The following VWA3A variants were observed in gnomAD, a reference collection of about 807,000 sequenced individuals.
VWA3A encodes the protein von Willebrand factor A domain-containing protein 3A.
In VWA3A, 134 loss-of-function variants were observed where a neutral mutation model predicts 160.4. The ratio of observed to expected loss-of-function variants is 0.84; its 90% CI spans 0.73 to 0.96. The LOEUF is 0.96. Ranked by LOEUF, VWA3A falls within the 40% of genes least tolerant of loss-of-function variation. The pLI is 0.00. For missense variants in VWA3A, 1,310 were observed against 1,447.9 expected (o/e 0.90, Z 1.55); for synonymous variants, 476 against 543.4 (o/e 0.88, Z 1.72).
rs770040448 is a variant in VWA3A at position 22,152,618 on chromosome 16, G to A, written c.3389G>A (p.Gly1130Asp). ...LSKIHSLLTK[G>D]FINEKDPTLP... ...AAAATTCACAGCCTGCTGACCAAAG[G>A]CTTCATCAATGAAAAGGTAGGTTGC... The change falls in exon 31 of 34, where the codon GGC becomes GAC. Residue 1130 changes from glycine (G) to aspartate (D), a missense_variant. Physicochemically the swap from Gly to Asp is moderately conservative, Grantham distance 94. Transcript: ENST00000389398. The A allele has an allele frequency of 5.6e-6, 9 of 1,606,670 alleles. No individual in the cohort carries two copies. In the Admixed American group the frequency reaches 1.0e-4, roughly 18 times the overall value.
At chr16:22,142,616 CAGGG>C (rs1383163015) in intron 24 of VWA3A, 48 bp from the exon 25 acceptor site, 1 of 1,398,062 alleles carries the variant, frequency 7.2e-7, no homozygotes, top group African/African-American at 1.4e-5. Context: ...ATGAGGTTTG[CAGGG>C]GCTCAACCAT....
At chr16:22,135,627 T>C (rs1421938463) in intron 21 of VWA3A, among the ~76,000 whole-genome samples, 1 of 152,124 alleles carries the variant, frequency 6.6e-6, no homozygotes, top group Non-Finnish European at 1.5e-5. Context: ...TTTAGGTCTG[T>C]GTGCTGCACA....
chr16:22,151,018 G>A (rs1020497142), intron 30 of VWA3A, among the ~76,000 whole-genome samples, 172 bp downstream of exon 30: 4 of 152,246 alleles, frequency 2.6e-5, no homozygotes, highest in African/African-American at 4.8e-5. Flanking sequence ...GCTGGCTCAC[G>A]CCTGTAATCC....
At position 22,155,513 on chromosome 16, in the gene VWA3A, G is replaced by A; in HGVS notation, c.3406-54G>A. ...TCTAAAATGCTTTTCCTGAGATTTT[G>A]GATTTTCAGCTCCCATCCAGTCATA... On this transcript the variant is annotated intron_variant, in intron 31 of 33. Transcript: ENST00000389398. The A allele has an allele frequency of 2.0e-6, 3 of 1,518,692 alleles. No individual in the cohort carries two copies. The East Asian group carries it at 6.8e-5, about 34-fold the overall frequency. 94.1% of individuals were successfully genotyped at this position (1,518,692 alleles called of 1,614,324 possible). A position where few individuals can be genotyped will look rare whatever the true frequency, so the allele number is the denominator to read the frequency against.
At position 22,153,079 on chromosome 16, in the gene VWA3A, T is replaced by C. The variant is rs149904700; in HGVS notation, c.3405+445T>C. Among the ~76,000 whole-genome samples the C allele has an allele frequency of 8.9e-3, 1,359 of 152,216 alleles. 21 individuals carry two copies. The highest frequency in any genetic ancestry group is 0.029 in the African/African-American group (1,198 of 41,526). ...ATACACCTAAAGCTGGGCACGGTGG[T>C]TCACACCTGTAATCCCATCACTTTG... On this transcript the variant is annotated intron_variant, in intron 31 of 33. Transcript: ENST00000389398.
chr16:22,097,693 C>T lies in VWA3A; in HGVS notation c.223C>T (p.Leu75=). 6.4e-7 allele frequency: 1 copy of T among 1,551,398 alleles called. No homozygotes were observed. ...VTHVNQTQDL[L]RLQGSETQSS... ...ACATGTTAACCAGACACAGGACTTA[C>T]TGGTAAAGACCATGGCACTTTAACT... Residue 75 remains leucine (L), a splice_region_variant and synonymous_variant, in exon 3 of 34, where the codon CTG becomes TTG. Coordinates refer to ENST00000389398, the MANE Select transcript of VWA3A (RefSeq NM_173615.5).
rs181720961 is a variant in VWA3A, at chr16:22,108,116, A to C, written c.484-1366A>C. Among the ~76,000 whole-genome samples the C allele has an allele frequency of 1.7e-4, 26 of 152,278 alleles. No homozygotes were observed. In the East Asian group the frequency reaches 5.0e-3, roughly 29 times the overall value. On this transcript the variant is annotated intron_variant, in intron 6 of 33. Coordinates refer to ENST00000389398, the MANE Select transcript of VWA3A (RefSeq NM_173615.5). ...ATCACCTTGACATGTGTGGTTTCAG[A>C]GGAATAGGAAGGTGAGAACCTAACT...
chr16:22,140,916 C>T (rs956926047), intron 23 of VWA3A, among the ~76,000 whole-genome samples: 2 of 152,084 alleles, frequency 1.3e-5, no homozygotes, highest in African/African-American at 4.8e-5. Flanking sequence ...CTGGCCACAT[C>T]TCTTAAAATA....
chr16:22,138,237 C>T, intron 21 of VWA3A, 123 bp from the exon 22 acceptor site: 1 of 1,233,046 alleles, frequency 8.1e-7, no homozygotes, highest in Non-Finnish European at 1.1e-6. Context: ...TTTCTAGGGA[C>T]AAAAAGAGGA....
In VWA3A at chr16:22,143,727, C is replaced by T. The variant is rs1009896688; in HGVS notation, c.2593-520C>T. Among the ~76,000 whole-genome samples the T allele has an allele frequency of 3.4e-5, 5 of 149,012 alleles. No individual in the cohort carries two copies. In the East Asian group the frequency reaches 8.1e-4, roughly 24 times the overall value. ...CGATAGATTTTGTTCTTCACCCCCA[C>T]TATTTCTTTCTTTCTTTCTTTCTTT... On this transcript the variant is annotated intron_variant, in intron 25 of 33. Coordinates refer to ENST00000389398, the MANE Select transcript of VWA3A (RefSeq NM_173615.5).
intron 20 of VWA3A, among the ~76,000 whole-genome samples, chr16:22,133,818 CAAA>C (rs200808531): frequency 6.6e-6 from 1 of 151,700 alleles, no homozygotes; most frequent in Non-Finnish European, 1.5e-5. Flanking sequence ...TCTGCCTTTA[CAAA>C]AAAATTAAAA....
Position 22,116,876 on chromosome 16 carries a change from C to T in VWA3A, c.924+9C>T. ...ATGATCAGATGCCCCCTGTGAGTGC[C>T]CGAGATTCTCTGAGGTGCCCCTTGG... On this transcript the variant is annotated intron_variant, in intron 10 of 33. Transcript: ENST00000389398. The T allele has an allele frequency of 1.9e-6, 3 of 1,609,552 alleles. No homozygotes were observed. Among genetic ancestry groups the T allele is most frequent in the Non-Finnish European group, 2.5e-6 (3 of 1,177,386 alleles).
chr16:22,106,847 G>A (rs1335144112), intron 6 of VWA3A, among the ~76,000 whole-genome samples: 1 of 152,186 alleles, frequency 6.6e-6, no homozygotes, highest in Admixed American at 6.5e-5. Flanking sequence ...AATGAGATAT[G>A]GTAGATTCAA....
chr16:22,151,301 A>G (rs557350452), intron 30 of VWA3A, among the ~76,000 whole-genome samples: 5 of 152,094 alleles, frequency 3.3e-5, no homozygotes, highest in African/African-American at 9.6e-5. Context: ...GAAAGAAAAG[A>G]AAGAAGTTAG....
Position 22,100,292 on chromosome 16 carries a change from C to G in VWA3A, c.324C>G (p.Asp108Glu). The G allele has an allele frequency of 6.4e-7, 1 of 1,551,570 alleles. No individual in the cohort carries two copies. Among genetic ancestry groups the G allele is most frequent in the Non-Finnish European group, 8.7e-7 (1 of 1,146,990 alleles). Residue 108 changes from aspartate to glutamate, a missense_variant, in exon 4 of 34, where the codon GAC becomes GAG. Transcript: ENST00000389398. ...AATGTCAGAAACTCACCTTGGCTGA[C>G]CTGATAAGCCAGGGCACAGAAGTGC... ...SLKCQKLTLA[D>E]LISQGTEVLE...
intron 24 of VWA3A, among the ~76,000 whole-genome samples, chr16:22,142,364 A>G (rs1199309625): frequency 3.3e-5 from 5 of 151,858 alleles, no homozygotes; most frequent in Non-Finnish European, 2.9e-5. Context: ...GCTTCCACTC[A>G]TGGTGGAAGG....
intron 12 of VWA3A, among the ~76,000 whole-genome samples, chr16:22,120,681 C>T (rs2045717473): frequency 6.6e-6 from 1 of 152,158 alleles, no homozygotes; most frequent in South Asian, 2.1e-4. Context: ...GGTGACCTGT[C>T]ACCTTGGAGT....
intron 17 of VWA3A, among the ~76,000 whole-genome samples, chr16:22,127,363 TA>T (rs2045868727): frequency 6.6e-6 from 1 of 152,038 alleles, no homozygotes; most frequent in Non-Finnish European, 1.5e-5. Flanking sequence ...TAACCTCAAG[TA>T]ATCCGCCTGC....
chr16:22,104,743 A>G (rs1025506738), intron 6 of VWA3A, among the ~76,000 whole-genome samples: 5 of 152,168 alleles, frequency 3.3e-5, no homozygotes, highest in African/African-American at 9.7e-5. Flanking sequence ...AAGAGTGACC[A>G]TGGGCAAATG....
Sources: allele counts gnomAD v4.1 joint callset (sites outside exome capture counted in the v4.1 genomes callset), GRCh38; gene constraint gnomAD v4.1.1; transcripts MANE v1.5; gene names NCBI Gene and HGNC (gene_info 2026-07-23, HGNC 2026-07-21).